Variants in SYN3 observed in about 807,000 individuals in gnomAD.
SYN3 encodes the protein synapsin III.
Under a neutral mutation model 65.8 loss-of-function variants are expected in SYN3, and 35 were observed. That is an observed-to-expected ratio of 0.53 (90% CI 0.41 to 0.70). SYN3 has a LOEUF of 0.70. Ranked by LOEUF, SYN3 falls within the 30% of genes least tolerant of loss-of-function variation. The pLI is 0.00. For missense variants in SYN3, 680 were observed against 749.0 expected, an observed-to-expected ratio of 0.91 and a Z score of 1.08; for synonymous variants, 270 against 292.9, an observed-to-expected ratio of 0.92 and a Z score of 0.80.
chr22:32,567,358 T>C (rs4993265), intron 7 of SYN3, among the ~76,000 whole-genome samples: 124 of 108,146 alleles, frequency 1.1e-3, no homozygotes, highest in Non-Finnish European at 1.6e-3. Flanking sequence ...CCCTCCCTTC[T>C]TTCCTTCCTT....
At chr22:32,938,484 C>T (rs1326522331) in intron 3 of SYN3, among the ~76,000 whole-genome samples, 4 of 149,194 alleles carry the variant, frequency 2.7e-5, no homozygotes, top group South Asian at 2.1e-4. Context: ...GAGCAGCAAT[C>T]GCGCCACTGC....
At chr22:32,641,718 T>C (rs1280509910) in intron 6 of SYN3, among the ~76,000 whole-genome samples, 1 of 150,638 alleles carries the variant, frequency 6.6e-6, no homozygotes, top group Non-Finnish European at 1.5e-5. Context: ...AGGAAAATGG[T>C]CTAAAATTGA....
intron 4 of SYN3, among the ~76,000 whole-genome samples, chr22:32,915,930 G>T (rs2050175073): frequency 6.6e-6 from 1 of 152,230 alleles, no homozygotes; most frequent in Middle Eastern, 3.4e-3. Context: ...CTGAGAGGTG[G>T]GGTGTCCTTA....
At chr22:32,629,019 G>T (rs2059709706) in intron 6 of SYN3, among the ~76,000 whole-genome samples, 1 of 152,156 alleles carries the variant, frequency 6.6e-6, no homozygotes, top group Non-Finnish European at 1.5e-5. Flanking sequence ...AGAGAACCTG[G>T]AGCTCTCCAG....
chr22:32,880,982 C>T (rs919461097), intron 4 of SYN3, among the ~76,000 whole-genome samples: 4 of 152,152 alleles, frequency 2.6e-5, no homozygotes, highest in African/African-American at 4.8e-5. Flanking sequence ...GGCATGTCGC[C>T]GGGAGGCAGA....
At chr22:32,619,606 A>G (rs1031602024) in intron 6 of SYN3, among the ~76,000 whole-genome samples, 9 of 152,332 alleles carry the variant, frequency 5.9e-5, no homozygotes, top group South Asian at 2.1e-4. Context: ...ACACAGTCCC[A>G]ACTCATGTTA....
Position 32,662,332 on chromosome 22 carries a change from T to C in SYN3, c.712-65596A>G, listed in dbSNP as rs200500905. Among the ~76,000 whole-genome samples the C allele has an allele frequency of 2.4e-4, 36 of 152,312 alleles. 1 individual carries two copies. The East Asian group carries it at 6.9e-3, about 29-fold the overall frequency. On this transcript the variant is annotated intron_variant, in intron 6 of 13. Coordinates refer to ENST00000358763, the MANE Select transcript of SYN3 (RefSeq NM_003490.4). The stretch of plus-strand genomic sequence containing the variant: ...TTCAGCTGAGGACTCCCAAATCTTA[T>C]CTATAGTCTGTTCATCATTCCTGAG...
chr22:32,563,956 A>T (rs2058622520), intron 7 of SYN3, among the ~76,000 whole-genome samples: 1 of 152,318 alleles, frequency 6.6e-6, no homozygotes. Flanking sequence ...GGCATGAGCC[A>T]CTGCGCCCGG....
At chr22:32,611,582 G>C (rs1025957920) in intron 6 of SYN3, among the ~76,000 whole-genome samples, 1 of 152,024 alleles carries the variant, frequency 6.6e-6, no homozygotes, top group Non-Finnish European at 1.5e-5. Flanking sequence ...TTGAGCCACC[G>C]CACCCAGCTG....
rs1335493536 is a variant in SYN3, at chr22:32,801,913, G to A, written c.711+63002C>T. On this transcript the variant is annotated intron_variant, in intron 6 of 13. Coordinates refer to ENST00000358763, the MANE Select transcript of SYN3 (RefSeq NM_003490.4). The surrounding 1 kb of genome is among the most constrained non-coding windows in gnomAD (Gnocchi z 4.7). ...GCCCCGCACGGCCCGGCGGGCGAGC[G>A]AGCTCGGGCTGCAGCAGCCCCGCCG... 2.8e-6 allele frequency: 4 copies of A among 1,425,774 alleles called. No individual in the cohort carries two copies. In the Middle Eastern group the frequency reaches 7.6e-4, roughly 271 times the overall value. The allele number at this position is 1,425,774 out of a possible 1,614,324, so 88.3% of individuals were successfully genotyped here. A position where few individuals can be genotyped will look rare whatever the true frequency, so the allele number is the denominator to read the frequency against.
Position 32,520,610 on chromosome 22 carries a change from CAT to C in SYN3, c.1319-2278_1319-2277del, listed in dbSNP as rs547892761. Among the ~76,000 whole-genome samples, 324 of 152,328 alleles carry C rather than the reference CAT, an allele frequency of 2.1e-3. 2 individuals carry two copies. The highest frequency in any genetic ancestry group is 7.6e-3 in the African/African-American group (318 of 41,574). On this transcript the variant is annotated intron_variant, in intron 12 of 13. Coordinates refer to ENST00000358763, the MANE Select transcript of SYN3 (RefSeq NM_003490.4). Reference sequence around the variant, plus strand: ...CGCAGGCTCGCCTGAGTCCTCATAACATCTTTATTGCTAATTAAGAAAAGGCG... The same window carrying C: ...CGCAGGCTCGCCTGAGTCCTCATAACCTTTATTGCTAATTAAGAAAAGGCG...
chr22:32,650,871 C>T (rs1351161509), intron 6 of SYN3, among the ~76,000 whole-genome samples: 2 of 152,172 alleles, frequency 1.3e-5, no homozygotes, highest in African/African-American at 4.8e-5. Context: ...ATTACAATAC[C>T]AAGTATTCTT....
In SYN3 at chr22:32,518,117, G is replaced by A. The variant is rs972639412; in HGVS notation, c.1536C>T (p.Pro512=). 3.1e-6 allele frequency: 5 copies of A among 1,596,480 alleles called. No homozygotes were observed. Among genetic ancestry groups the A allele is most frequent in the Non-Finnish European group, 4.3e-6 (5 of 1,171,500 alleles). The change falls in exon 13 of 14, where the codon CCC becomes CCT. Residue 512 remains proline, a synonymous_variant. Coordinates refer to ENST00000358763, the MANE Select transcript of SYN3 (RefSeq NM_003490.4). ...GGGAGGTACTACGGCCCTGCACAGG[G>A]GGCCGGGGCTGTGAGGCGAGGGTGG... ...PGATLASQPR[P]PVQGRSTSQQ... is the part of the protein sequence containing the mutation.
chr22:32,724,688 A>G (rs1303126343), intron 6 of SYN3, among the ~76,000 whole-genome samples: 1 of 152,236 alleles, frequency 6.6e-6, no homozygotes, highest in Non-Finnish European at 1.5e-5. Flanking sequence ...CAAAGAGATC[A>G]GTCAAGTGTC....
At chr22:32,883,183 G>A (rs1457600763) in intron 4 of SYN3, among the ~76,000 whole-genome samples, 3 of 152,224 alleles carry the variant, frequency 2.0e-5, no homozygotes, top group Non-Finnish European at 2.9e-5. Flanking sequence ...TGCAGAGGGT[G>A]CAGGGAACAA....
chr22:32,639,065 T>C (rs1279170789), intron 6 of SYN3, among the ~76,000 whole-genome samples: 1 of 152,158 alleles, frequency 6.6e-6, no homozygotes, highest in East Asian at 1.9e-4. Context: ...GCCATTCTCC[T>C]GCCTCAGCCT....
intron 3 of SYN3, among the ~76,000 whole-genome samples, chr22:32,952,107 C>T (rs1023152048): frequency 2.0e-5 from 3 of 152,066 alleles, no homozygotes; most frequent in East Asian, 1.9e-4. Context: ...ACCTTGCAGA[C>T]GAAAAAGGCT....
chr22:32,674,016 G>T (rs527459284), intron 6 of SYN3, among the ~76,000 whole-genome samples: 123 of 152,248 alleles, frequency 8.1e-4, no homozygotes, highest in Admixed American at 9.2e-4. Context: ...AAGGCGGGGA[G>T]GCTGTTGCTG....
At chr22:32,699,805 A>C (rs2060787257) in intron 6 of SYN3, among the ~76,000 whole-genome samples, 1 of 152,154 alleles carries the variant, frequency 6.6e-6, no homozygotes, top group Non-Finnish European at 1.5e-5. Context: ...GTCTGTCTTA[A>C]TGGGAATATC....
Sources: gnomAD v4.1 joint callset for allele counts (sites outside exome capture counted in the v4.1 genomes callset) on GRCh38, gnomAD v4.1.1 for gene constraint, Gnocchi (gnomAD v3.1) non-coding constraint, MANE v1.5 for transcripts, NCBI Gene and HGNC (gene_info 2026-07-23, HGNC 2026-07-21) for gene names.